The following TAFA1 variants were observed in gnomAD, a reference collection of about 807,000 sequenced individuals.
The protein encoded by TAFA1 is TAFA chemokine like family member 1.
A neutral mutation model predicts 18.5 loss-of-function variants in TAFA1; 4 were observed. The observed-to-expected ratio is 0.22, with a 90% CI of 0.11 to 0.49. The LOEUF is 0.49. Ranked by LOEUF, TAFA1 falls within the 20% of genes least tolerant of loss-of-function variation. The pLI, the probability that TAFA1 is intolerant of heterozygous loss-of-function variation, is 0.98. For synonymous variants in TAFA1, 56 were observed against 55.2 expected (o/e 1.01, Z -0.06); for missense variants, 147 against 169.0 (o/e 0.87, Z 0.72).
chr3:68,350,066 G>A (rs180844553), intron 2 of TAFA1, among the ~76,000 whole-genome samples: 9 of 152,188 alleles, frequency 5.9e-5, no homozygotes, highest in Admixed American at 1.3e-4. Context: ...ACTGAACCGT[G>A]CATATGTATA....
At chr3:68,172,181 A>T (rs1227380986) in intron 2 of TAFA1, among the ~76,000 whole-genome samples, 1 of 152,230 alleles carries the variant, frequency 6.6e-6, no homozygotes, top group Admixed American at 6.5e-5. Flanking sequence ...GTTGAAGAAC[A>T]AAGACAGAAT....
At chr3:68,537,563 C>G (rs1016590288) in intron 3 of TAFA1, among the ~76,000 whole-genome samples, 1 of 152,082 alleles carries the variant, frequency 6.6e-6, no homozygotes, top group African/African-American at 2.4e-5. Context: ...AAGTGTCAGA[C>G]TCTCAGTTAA....
At chr3:68,476,914 ATAAATAT>A (rs2072108519) in intron 3 of TAFA1, among the ~76,000 whole-genome samples, 1 of 152,204 alleles carries the variant, frequency 6.6e-6, no homozygotes, top group Non-Finnish European at 1.5e-5. Context: ...AATGTATAAC[ATAAATAT>A]TAAAAGGCTG....
intron 2 of TAFA1, among the ~76,000 whole-genome samples, chr3:68,186,147 T>TC (rs1289774941): frequency 6.6e-6 from 1 of 152,048 alleles, no homozygotes; most frequent in Non-Finnish European, 1.5e-5. Flanking sequence ...TTGCCTTAGC[T>TC]CCCCCTTTGG....
At chr3:68,190,210 A>T (rs1057243192) in intron 2 of TAFA1, among the ~76,000 whole-genome samples, 3 of 151,830 alleles carry the variant, frequency 2.0e-5, no homozygotes, top group African/African-American at 7.2e-5. Context: ...TTTTATGTCT[A>T]CATTACCCTG....
At chr3:68,417,973 A>T (rs1438596029) in intron 3 of TAFA1, among the ~76,000 whole-genome samples, 3 of 152,104 alleles carry the variant, frequency 2.0e-5, no homozygotes, top group Admixed American at 6.6e-5. Context: ...GCAAGGGGGA[A>T]GTCTGCCTCC....
intron 2 of TAFA1, among the ~76,000 whole-genome samples, chr3:68,148,194 A>T (rs1380200456): frequency 6.6e-6 from 1 of 152,152 alleles, no homozygotes; most frequent in Non-Finnish European, 1.5e-5. Context: ...TTTTTGACTA[A>T]TGGGTCCTAT....
At chr3:68,062,605 C>T (rs1220424030) in intron 2 of TAFA1, among the ~76,000 whole-genome samples, 2 of 152,098 alleles carry the variant, frequency 1.3e-5, no homozygotes, top group Non-Finnish European at 2.9e-5. Flanking sequence ...TATGCATGAC[C>T]CTAGGGTTTT....
At chr3:68,482,340 G>C (rs1206694442) in intron 3 of TAFA1, among the ~76,000 whole-genome samples, 1 of 152,110 alleles carries the variant, frequency 6.6e-6, no homozygotes, top group African/African-American at 2.4e-5. Flanking sequence ...TGTATATCAG[G>C]CACTGTATTT....
intron 2 of TAFA1, among the ~76,000 whole-genome samples, chr3:68,343,261 A>C (rs1404447231): frequency 6.6e-6 from 1 of 152,180 alleles, no homozygotes; most frequent in East Asian, 1.9e-4. Flanking sequence ...ACCCATGTAT[A>C]AATCTCCTGG....
intron 2 of TAFA1, among the ~76,000 whole-genome samples, chr3:68,407,593 A>C (rs998516822): frequency 1.3e-5 from 2 of 152,144 alleles, no homozygotes; most frequent in Non-Finnish European, 2.9e-5. Flanking sequence ...TGACCCAGCT[A>C]GGCAATAATG....
chr3:68,037,801 T>A (rs1705083280), intron 2 of TAFA1, among the ~76,000 whole-genome samples: 1 of 152,168 alleles, frequency 6.6e-6, no homozygotes, highest in African/African-American at 2.4e-5. Context: ...GAAGGCCCAA[T>A]TTAAGCAAAT....
chr3:68,383,821 G>T (rs1431175803), intron 2 of TAFA1, among the ~76,000 whole-genome samples: 1 of 151,428 alleles, frequency 6.6e-6, no homozygotes, highest in Non-Finnish European at 1.5e-5. Context: ...GCTGTTTTTG[G>T]TTGGTAGGCC....
Position 68,151,109 on chromosome 3 carries a change from G to C in TAFA1, c.118+144365G>C, listed in dbSNP as rs76958690. Among the ~76,000 whole-genome samples the C allele has an allele frequency of 3.8e-3, 581 of 152,064 alleles. 2 individuals carry two copies. The highest frequency in any genetic ancestry group is 0.013 in the African/African-American group (539 of 41,490). ...GTATTTCACATAACAATGCCACATAGACTTATACCTCACACAGCTATCCTC... is the reference window on the plus strand; with the variant it reads ...GTATTTCACATAACAATGCCACATACACTTATACCTCACACAGCTATCCTC... On this transcript the variant is annotated intron_variant, in intron 2 of 4. Coordinates refer to ENST00000478136, the MANE Select transcript of TAFA1 (RefSeq NM_213609.4).
intron 2 of TAFA1, among the ~76,000 whole-genome samples, chr3:68,356,653 A>AG (rs1263209732): frequency 6.6e-6 from 1 of 151,860 alleles, no homozygotes; most frequent in Non-Finnish European, 1.5e-5. Flanking sequence ...CCTAAAACTT[A>AG]GAGAGATTAT....
At chr3:68,114,078 T>C (rs1369212420) in intron 2 of TAFA1, among the ~76,000 whole-genome samples, 1 of 151,984 alleles carries the variant, frequency 6.6e-6, no homozygotes, top group African/African-American at 2.4e-5. Context: ...CTAATTTTTG[T>C]ATTTTTAGTA....
At chr3:68,360,382 T>G (rs2069447314) in intron 2 of TAFA1, among the ~76,000 whole-genome samples, 1 of 151,998 alleles carries the variant, frequency 6.6e-6, no homozygotes, top group Non-Finnish European at 1.5e-5. Flanking sequence ...TAATATAACA[T>G]GTTATACATT....
chr3:68,303,596 C>T (rs1380058459), intron 2 of TAFA1, among the ~76,000 whole-genome samples: 2 of 152,030 alleles, frequency 1.3e-5, no homozygotes, highest in Non-Finnish European at 2.9e-5. Flanking sequence ...CTACAGGCGC[C>T]CACCACCACG....
intron 2 of TAFA1, among the ~76,000 whole-genome samples, chr3:68,176,543 T>A (rs1006598867): frequency 1.3e-5 from 2 of 152,218 alleles, no homozygotes; most frequent in Non-Finnish European, 1.5e-5. Flanking sequence ...GCTTTTTAAT[T>A]GACAGGATTT....
Sources: gnomAD v4.1 joint callset for allele counts (sites outside exome capture counted in the v4.1 genomes callset) on GRCh38, gnomAD v4.1.1 for gene constraint, MANE v1.5 for transcripts, NCBI Gene and HGNC (gene_info 2026-07-23, HGNC 2026-07-21) for gene names.